Variants in PXDNL observed in about 807,000 individuals in gnomAD.
The protein encoded by PXDNL is probable oxidoreductase PXDNL.
In PXDNL, 145 loss-of-function variants were observed where a neutral mutation model predicts 150.8. The ratio of observed to expected loss-of-function variants is 0.96; its 90% CI spans 0.84 to 1.10. The LOEUF is 1.10. Ranked by LOEUF, PXDNL falls within the 50% of genes least tolerant of loss-of-function variation. The probability of loss-of-function intolerance (pLI) is 0.00; values close to 1 mark genes in which losing one functional copy is unlikely to be tolerated. For synonymous variants in PXDNL, 757 were observed against 725.7 expected, an observed-to-expected ratio of 1.04 and a Z score of -0.69; for missense variants, 2,087 against 1,873.9, an observed-to-expected ratio of 1.11 and a Z score of -2.10.
intron 1 of PXDNL, among the ~76,000 whole-genome samples, chr8:51,792,699 A>G (rs570500794): frequency 3.9e-5 from 6 of 152,170 alleles, no homozygotes; most frequent in South Asian, 2.1e-4. Context: ...ACAGCACAGG[A>G]TAATGGCTGT....
At chr8:51,350,609 C>T (rs998056930) in intron 19 of PXDNL, among the ~76,000 whole-genome samples, 1 of 152,066 alleles carries the variant, frequency 6.6e-6, no homozygotes, top group Non-Finnish European at 1.5e-5. Context: ...CCCACCTCGG[C>T]CTCCCAAAGT....
At chr8:51,450,664 T>A (rs961669549) in intron 10 of PXDNL, among the ~76,000 whole-genome samples, 2 of 152,228 alleles carry the variant, frequency 1.3e-5, no homozygotes, top group Non-Finnish European at 2.9e-5. Context: ...AAATATGGTA[T>A]AAAATAAATT....
intron 1 of PXDNL, among the ~76,000 whole-genome samples, chr8:51,747,702 AG>A (rs2037000485): frequency 6.6e-6 from 1 of 152,236 alleles, no homozygotes; most frequent in Non-Finnish European, 1.5e-5. Flanking sequence ...CACGAGTTCA[AG>A]TACAATTAGC....
At chr8:51,649,691 T>C (rs1017501484) in intron 2 of PXDNL, among the ~76,000 whole-genome samples, 2 of 152,252 alleles carry the variant, frequency 1.3e-5, no homozygotes, top group African/African-American at 4.8e-5. Flanking sequence ...ACATTAATGC[T>C]ATTTCTTTCT....
intron 12 of PXDNL, among the ~76,000 whole-genome samples, chr8:51,440,269 G>T (rs1364495116): frequency 1.3e-5 from 2 of 152,054 alleles, no homozygotes; most frequent in East Asian, 3.9e-4. Flanking sequence ...GGACTTTGGG[G>T]ATTCGGGGGA....
intron 4 of PXDNL, among the ~76,000 whole-genome samples, chr8:51,529,376 C>A (rs1018572319): frequency 6.6e-6 from 1 of 152,302 alleles, no homozygotes; most frequent in South Asian, 2.1e-4. Context: ...GCTGCTTCCA[C>A]CATCATCTTA....
At chr8:51,674,931 TC>T (rs899927177) in intron 1 of PXDNL, among the ~76,000 whole-genome samples, 91 of 152,218 alleles carry the variant, frequency 6.0e-4, no homozygotes, top group African/African-American at 2.2e-3. Context: ...TTACATTATT[TC>T]CCCTGGACTT....
intron 1 of PXDNL, among the ~76,000 whole-genome samples, chr8:51,763,067 A>G (rs1408539977): frequency 6.6e-6 from 1 of 151,770 alleles, no homozygotes; most frequent in Non-Finnish European, 1.5e-5. Flanking sequence ...CCATAAAGAA[A>G]CTCCATATCC....
chr8:51,725,554 C>T (rs868772926), intron 1 of PXDNL, among the ~76,000 whole-genome samples: 3 of 152,182 alleles, frequency 2.0e-5, no homozygotes, highest in Admixed American at 6.5e-5. Context: ...TGTTCTCTTT[C>T]CTTCCCGGGA....
At chr8:51,748,629 T>C (rs891538678) in intron 1 of PXDNL, among the ~76,000 whole-genome samples, 2 of 152,140 alleles carry the variant, frequency 1.3e-5, no homozygotes, top group African/African-American at 4.8e-5. Context: ...GGAGTTATTT[T>C]AAAAAACTGT....
At chr8:51,760,845 C>CTTTTTTATTTTT (rs2037154726) in intron 1 of PXDNL, among the ~76,000 whole-genome samples, 1 of 45,476 alleles carries the variant, frequency 2.2e-5, no homozygotes, top group Non-Finnish European at 3.8e-5. Context: ...ATCACTTAAA[C>CTTTTTTATTTTT]TTTTTTTTTT....
Position 51,491,065 on chromosome 8 carries a change from G to A in PXDNL, c.453-7351C>T, listed in dbSNP as rs548291845. Among the ~76,000 whole-genome samples the A allele has an allele frequency of 1.4e-4, 22 of 152,186 alleles. No homozygotes were observed. In the South Asian group the frequency reaches 1.7e-3, roughly 11 times the overall value. On this transcript the variant is annotated intron_variant, in intron 5 of 22. Coordinates refer to ENST00000356297, the MANE Select transcript of PXDNL (RefSeq NM_144651.5). Reference sequence around the variant, plus strand: ...CAGAATAAAAAGCAGGCAGAAGAACGTAAAAAGACTAGACTGGCTTAGCCT... The same window carrying A: ...CAGAATAAAAAGCAGGCAGAAGAACATAAAAAGACTAGACTGGCTTAGCCT...
At chr8:51,454,781 G>A (rs1809888968) in intron 9 of PXDNL, among the ~76,000 whole-genome samples, 1 of 152,098 alleles carries the variant, frequency 6.6e-6, no homozygotes, top group Non-Finnish European at 1.5e-5. Context: ...TAACATACTG[G>A]ATGTTGGAAA....
intron 10 of PXDNL, among the ~76,000 whole-genome samples, chr8:51,450,332 C>T (rs889721688): frequency 1.3e-5 from 2 of 152,160 alleles, no homozygotes; most frequent in Admixed American, 6.5e-5. Flanking sequence ...GTGCCAACCT[C>T]CTATCTCATC....
chr8:51,775,915 T>C (rs2037347959), intron 1 of PXDNL, among the ~76,000 whole-genome samples: 1 of 152,108 alleles, frequency 6.6e-6, no homozygotes, highest in East Asian at 1.9e-4. Flanking sequence ...CAAAAGCAAA[T>C]AGGAGAAATA....
rs1176827890 is a variant in PXDNL at position 51,408,520 on chromosome 8, C to T, written c.3104G>A (p.Gly1035Asp). The T allele has an allele frequency of 3.1e-6, 5 of 1,613,034 alleles. No homozygotes were observed. In the South Asian group the frequency reaches 5.5e-5, roughly 18 times the overall value. ...PGTRMLRGYR[G>D]YNPNVNAGII... ...GCCTGCATTCACGTTGGGGTTGTAG[C>T]CTCGGTAACCCCTCAGCATCCTAGT... Residue 1035 changes from glycine (G) to aspartate (D), a missense_variant, in exon 17 of 23, where the codon GGC becomes GAC. Coordinates refer to ENST00000356297, the MANE Select transcript of PXDNL (RefSeq NM_144651.5).
At chr8:51,737,027 A>G (rs1817052394) in intron 1 of PXDNL, among the ~76,000 whole-genome samples, 1 of 152,180 alleles carries the variant, frequency 6.6e-6, no homozygotes, top group Admixed American at 6.5e-5. Flanking sequence ...ATTTCAAACT[A>G]ATTTTCAAAA....
At chr8:51,799,729 C>CT (rs1281912208) in intron 1 of PXDNL, among the ~76,000 whole-genome samples, 3 of 152,186 alleles carry the variant, frequency 2.0e-5, no homozygotes, top group African/African-American at 7.2e-5. Flanking sequence ...AAGGGAACGG[C>CT]TCCAGGTAAG....
At chr8:51,325,057 G>A (rs763044364) in intron 21 of PXDNL, among the ~76,000 whole-genome samples, 18 of 151,866 alleles carry the variant, frequency 1.2e-4, no homozygotes, top group Non-Finnish European at 2.5e-4. Flanking sequence ...GTAGAGATGG[G>A]GTTTCACCAT....
Sources: gnomAD v4.1 joint callset for allele counts (sites outside exome capture counted in the v4.1 genomes callset) on GRCh38, gnomAD v4.1.1 for gene constraint, MANE v1.5 for transcripts, NCBI Gene and HGNC (gene_info 2026-07-23, HGNC 2026-07-21) for gene names.